GPC5: variants seen among roughly 807,000 people sequenced by gnomAD.
GPC5 encodes the protein glypican-5.
In GPC5, 47 loss-of-function variants were observed where a neutral mutation model predicts 53.9. The ratio of observed to expected loss-of-function variants is 0.87; its 90% CI spans 0.69 to 1.11. The LOEUF is 1.11. GPC5 is among the 50% of genes most tolerant of loss of function. The pLI is 0.00. For synonymous variants in GPC5, 286 were observed against 263.3 expected (o/e 1.09, Z -0.84); for missense variants, 748 against 713.1 (o/e 1.05, Z -0.56).
chr13:92,850,746 G>A (rs1314203855), intron 7 of GPC5, among the ~76,000 whole-genome samples: 1 of 152,184 alleles, frequency 6.6e-6, no homozygotes, highest in Non-Finnish European at 1.5e-5. Flanking sequence ...ACAGGTGTCT[G>A]TCTCTCCCAT....
chr13:91,561,092 A>G (rs374216647), intron 2 of GPC5, among the ~76,000 whole-genome samples: 67 of 152,298 alleles, frequency 4.4e-4, no homozygotes, highest in African/African-American at 1.6e-3. Context: ...AGACCCTCCA[A>G]ATTCCGAGCT....
At chr13:92,163,938 G>A (rs1285832396) in intron 7 of GPC5, among the ~76,000 whole-genome samples, 3 of 152,208 alleles carry the variant, frequency 2.0e-5, no homozygotes, top group South Asian at 2.1e-4. Context: ...ATCTTCACAG[G>A]GTGGCAGGAG....
At chr13:92,720,210 A>G (rs1353390450) in intron 7 of GPC5, among the ~76,000 whole-genome samples, 1 of 152,188 alleles carries the variant, frequency 6.6e-6, no homozygotes, top group Non-Finnish European at 1.5e-5. Context: ...TCAAGGGTAA[A>G]GAAAACATTC....
intron 5 of GPC5, among the ~76,000 whole-genome samples, chr13:91,886,267 C>T (rs879519501): frequency 3.9e-5 from 6 of 152,110 alleles, no homozygotes; most frequent in Non-Finnish European, 8.8e-5. Flanking sequence ...TCTTGTGAGA[C>T]TTATTCACTA....
At chr13:91,578,403 C>G (rs1288317462) in intron 2 of GPC5, among the ~76,000 whole-genome samples, 1 of 152,112 alleles carries the variant, frequency 6.6e-6, no homozygotes, top group Non-Finnish European at 1.5e-5. Flanking sequence ...AATCACTGTT[C>G]ATGTTTTTTC....
At chr13:91,487,582 G>C (rs1883685716) in intron 2 of GPC5, among the ~76,000 whole-genome samples, 2 of 152,166 alleles carry the variant, frequency 1.3e-5, no homozygotes, top group Admixed American at 6.5e-5. Flanking sequence ...ATCTAAAATA[G>C]TATACCGTGG....
chr13:92,309,468 C>A (rs1044735918), intron 7 of GPC5, among the ~76,000 whole-genome samples: 1 of 151,984 alleles, frequency 6.6e-6, no homozygotes, highest in Non-Finnish European at 1.5e-5. Flanking sequence ...AATTATTGAA[C>A]CTAGTATGTC....
chr13:91,900,320 A>G (rs1243511570), intron 5 of GPC5, among the ~76,000 whole-genome samples: 4 of 152,106 alleles, frequency 2.6e-5, no homozygotes. Context: ...CCTAAATAGC[A>G]TATTTACTTT....
intron 7 of GPC5, among the ~76,000 whole-genome samples, chr13:92,156,960 T>C (rs916583678): frequency 3.3e-5 from 5 of 152,154 alleles, no homozygotes; most frequent in African/African-American, 9.6e-5. Flanking sequence ...TTATAATTGA[T>C]GTATGAATAT....
intron 7 of GPC5, among the ~76,000 whole-genome samples, chr13:92,291,672 C>T (rs954561291): frequency 1.3e-5 from 2 of 152,164 alleles, no homozygotes; most frequent in Non-Finnish European, 2.9e-5. Context: ...AATGTCGAAG[C>T]TTTGTTCTTT....
intron 6 of GPC5, among the ~76,000 whole-genome samples, chr13:91,971,075 G>T (rs2040237320): frequency 6.6e-6 from 1 of 152,146 alleles, no homozygotes; most frequent in Non-Finnish European, 1.5e-5. Flanking sequence ...GGTAGAATTT[G>T]GCTATGAATC....
intron 7 of GPC5, chr13:92,447,906 T>C (rs1877897166): frequency 1.3e-5 from 2 of 152,176 alleles, no homozygotes; most frequent in Non-Finnish European, 2.9e-5. Flanking sequence ...TCTAAGAACA[T>C]TGCAGTTTGA....
intron 7 of GPC5, among the ~76,000 whole-genome samples, chr13:92,254,840 G>C (rs1464981979): frequency 4.6e-5 from 7 of 152,118 alleles, no homozygotes; most frequent in Admixed American, 3.3e-4. Flanking sequence ...ACTGCCCCAT[G>C]ATGTAATCAC....
intron 5 of GPC5, among the ~76,000 whole-genome samples, chr13:91,775,047 C>T (rs1485058517): frequency 2.0e-5 from 3 of 152,056 alleles, no homozygotes; most frequent in African/African-American, 4.8e-5. Context: ...ACAGAGAAAA[C>T]ACCAGCGCAT....
intron 5 of GPC5, among the ~76,000 whole-genome samples, chr13:91,807,307 C>A (rs573326402): frequency 2.1e-4 from 32 of 152,112 alleles, no homozygotes; most frequent in African/African-American, 6.5e-4. Flanking sequence ...TCATAAATTA[C>A]CACAAAAATT....
intron 7 of GPC5, among the ~76,000 whole-genome samples, chr13:92,654,505 G>GAA (rs36108862): frequency 6.6e-6 from 1 of 151,876 alleles, no homozygotes; most frequent in Admixed American, 6.6e-5. Context: ...CCATATATCA[G>GAA]AAAAAATATA....
chr13:91,941,292 G>A lies in GPC5; in HGVS notation c.1401+33235G>A, dbSNP rs537983504. ...TGAAGTCAGGCAGTGTGGTGCATCC[G>A]GCTTTGTTCTTTTTGCTTAGGATTG... On this transcript the variant is annotated intron_variant, in intron 6 of 7. Transcript: ENST00000377067. 3.3e-5 allele frequency among the ~76,000 whole-genome samples: 5 copies of A among 152,008 alleles called. No individual in the cohort carries two copies. In the East Asian group the frequency reaches 9.7e-4, roughly 29 times the overall value.
chr13:92,310,950 G>A (rs547584624), intron 7 of GPC5, among the ~76,000 whole-genome samples: 1 of 152,224 alleles, frequency 6.6e-6, no homozygotes, highest in South Asian at 2.1e-4. Flanking sequence ...CAAGTTGAAT[G>A]TATCATATCA....
intron 7 of GPC5, among the ~76,000 whole-genome samples, chr13:92,507,927 C>T (rs1880431625): frequency 6.6e-6 from 1 of 151,944 alleles, no homozygotes; most frequent in Non-Finnish European, 1.5e-5. Context: ...AAAGAAAGTC[C>T]TGCTTACAAA....
Sources: gnomAD v4.1 joint callset for allele counts (sites outside exome capture counted in the v4.1 genomes callset) on GRCh38, gnomAD v4.1.1 for gene constraint, MANE v1.5 for transcripts, NCBI Gene and HGNC (gene_info 2026-07-23, HGNC 2026-07-21) for gene names.